The following CSMD1 variants were observed in gnomAD, a reference collection of about 807,000 sequenced individuals.
The protein encoded by CSMD1 is CUB and sushi domain-containing protein 1.
In CSMD1, 213 loss-of-function variants were observed where a neutral mutation model predicts 417.5. That is an observed-to-expected ratio of 0.51 (90% CI 0.46 to 0.57). The LOEUF (loss-of-function observed/expected upper bound fraction) is 0.57, where lower values mean the gene tolerates loss of function less well. CSMD1 is among the 20% of genes least tolerant of loss of function. The probability of loss-of-function intolerance (pLI) is 0.00; values close to 1 mark genes in which losing one functional copy is unlikely to be tolerated. For missense variants in CSMD1, 6,923 were observed against 4,529.7 expected, an observed-to-expected ratio of 1.53 and a Z score of -15.17; for synonymous variants, 2,862 against 1,736.8, an observed-to-expected ratio of 1.65 and a Z score of -16.11.
intron 5 of CSMD1, among the ~76,000 whole-genome samples, chr8:3,843,312 T>A (rs1803254989): frequency 6.6e-6 from 1 of 152,204 alleles, no homozygotes; most frequent in Admixed American, 6.5e-5. Flanking sequence ...TACTAATCTT[T>A]ACCTCATTGA....
intron 1 of CSMD1, among the ~76,000 whole-genome samples, chr8:4,753,288 G>T (rs1461393659): frequency 6.6e-6 from 1 of 151,458 alleles, no homozygotes; most frequent in African/African-American, 2.4e-5. Context: ...AGAGGATGAT[G>T]AGGAATTTTG....
At position 3,336,428 on chromosome 8, in the gene CSMD1, G is replaced by C. The variant is rs140683695; in HGVS notation, c.3631+6866C>G. Among the ~76,000 whole-genome samples the C allele has an allele frequency of 4.1e-3, 624 of 152,252 alleles. 2 individuals carry two copies. The highest frequency in any genetic ancestry group is 5.7e-3 in the Non-Finnish European group (385 of 68,020). ...AGAAAAACATACTTAAATTCATATA[G>C]CACTTGGATGTTTTCAAAAGCCATT... is the stretch of plus-strand genomic sequence containing the variant. On this transcript the variant is annotated intron_variant, in intron 23 of 69. Coordinates refer to ENST00000635120, the MANE Select transcript of CSMD1 (RefSeq NM_033225.6).
intron 2 of CSMD1, among the ~76,000 whole-genome samples, chr8:4,453,705 A>G (rs1799291377): frequency 6.6e-6 from 1 of 151,774 alleles, no homozygotes. Flanking sequence ...TTGGGTATGC[A>G]CAGGCATCAC....
intron 4 of CSMD1, among the ~76,000 whole-genome samples, chr8:4,006,112 G>A (rs888512265): frequency 6.6e-6 from 1 of 152,150 alleles, no homozygotes; most frequent in Non-Finnish European, 1.5e-5. Context: ...CCATGTCCGA[G>A]GAGACTTGAT....
At chr8:4,666,922 A>AT (rs1488095545) in intron 1 of CSMD1, among the ~76,000 whole-genome samples, 20 of 152,130 alleles carry the variant, frequency 1.3e-4, no homozygotes, top group Non-Finnish European at 1.5e-5. Context: ...TTAAAAAAAA[A>AT]GTTCTTTGCC....
intron 17 of CSMD1, among the ~76,000 whole-genome samples, chr8:3,390,044 A>C (rs563825919): frequency 6.6e-6 from 1 of 152,214 alleles, no homozygotes; most frequent in East Asian, 1.9e-4. Flanking sequence ...CTGAAACAAG[A>C]AAATGGTGAG....
intron 5 of CSMD1, among the ~76,000 whole-genome samples, chr8:3,837,236 C>A (rs189306508): frequency 6.6e-6 from 1 of 152,066 alleles, no homozygotes; most frequent in Non-Finnish European, 1.5e-5. Flanking sequence ...ATGTGCATAG[C>A]TAAAGCTTAT....
At chr8:3,770,821 C>G (rs1360733029) in intron 5 of CSMD1, among the ~76,000 whole-genome samples, 1 of 152,100 alleles carries the variant, frequency 6.6e-6, no homozygotes, top group Non-Finnish European at 1.5e-5. Context: ...TATTTAGCAG[C>G]TGACCTAAGA....
rs114467117 is a variant in CSMD1 at position 4,813,665 on chromosome 8, G to C, written c.86-176107C>G. On this transcript the variant is annotated intron_variant, in intron 1 of 69. Coordinates refer to ENST00000635120, the MANE Select transcript of CSMD1 (RefSeq NM_033225.6). ...AATAACATCAATTTACACGTTGCAA[G>C]AGAGAATGACACACTATTAAGAGAT... Among the ~76,000 whole-genome samples, 1,006 of 152,300 alleles carry C rather than the reference G, an allele frequency of 6.6e-3. 12 individuals carry two copies. Among genetic ancestry groups the C allele is most frequent in the African/African-American group, 0.022 (928 of 41,570 alleles).
chr8:3,068,489 T>C (rs928559060), intron 49 of CSMD1, among the ~76,000 whole-genome samples: 1 of 152,160 alleles, frequency 6.6e-6, no homozygotes. Flanking sequence ...CATATGCACA[T>C]GTGTATTAGG....
chr8:4,768,941 C>G (rs765872084), intron 1 of CSMD1, among the ~76,000 whole-genome samples: 3 of 152,108 alleles, frequency 2.0e-5, no homozygotes, highest in Non-Finnish European at 4.4e-5. Context: ...CACCATTTAC[C>G]TAAAAGTCAG....
At position 4,827,277 on chromosome 8, in the gene CSMD1, A is replaced by AT. The variant is rs545299294; in HGVS notation, c.85+167054dup. On this transcript the variant is annotated intron_variant, in intron 1 of 69. Coordinates refer to ENST00000635120, the MANE Select transcript of CSMD1 (RefSeq NM_033225.6). The stretch of plus-strand genomic sequence containing the variant: ...GAATTTAAGGACTAATATTTACTTC[A>AT]TTACTCATGTTTCAAGCAGAAAGAC... 1.6e-4 allele frequency among the ~76,000 whole-genome samples: 25 copies of AT among 152,186 alleles called. No homozygotes were observed. In the South Asian group the frequency reaches 5.2e-3, roughly 32 times the overall value.
intron 26 of CSMD1, among the ~76,000 whole-genome samples, chr8:3,248,468 T>C (rs1800029267): frequency 6.7e-6 from 1 of 149,594 alleles, no homozygotes; most frequent in African/African-American, 2.5e-5. Context: ...ACAGGGAAAA[T>C]CCAGTGACAT....
At chr8:3,972,669 T>C (rs181150531) in intron 5 of CSMD1, among the ~76,000 whole-genome samples, 227 of 152,364 alleles carry the variant, frequency 1.5e-3, no homozygotes, top group African/African-American at 5.2e-3. Context: ...TAACAGATTA[T>C]GACCAGTGTT....
chr8:3,029,764 G>T (rs907702674), intron 50 of CSMD1, among the ~76,000 whole-genome samples: 1 of 151,784 alleles, frequency 6.6e-6, no homozygotes, highest in South Asian at 2.1e-4. Flanking sequence ...CTGTAAAGGG[G>T]GTAAATCACT....
chr8:3,300,541 A>T (rs916598689), intron 25 of CSMD1, among the ~76,000 whole-genome samples: 3 of 152,198 alleles, frequency 2.0e-5, no homozygotes, highest in African/African-American at 7.2e-5. Context: ...AAGACATATG[A>T]GGATGCTCAC....
At chr8:3,227,160 G>A (rs981969837) in intron 27 of CSMD1, among the ~76,000 whole-genome samples, 2 of 152,120 alleles carry the variant, frequency 1.3e-5, no homozygotes, top group Admixed American at 6.5e-5. Flanking sequence ...CAGCACTTTG[G>A]GAGTCTGAGG....
intron 2 of CSMD1, among the ~76,000 whole-genome samples, chr8:4,617,147 G>A (rs1364995799): frequency 6.6e-6 from 1 of 151,994 alleles, no homozygotes; most frequent in African/African-American, 2.4e-5. Context: ...AAGACAAGAT[G>A]TATTTCTATT....
intron 2 of CSMD1, among the ~76,000 whole-genome samples, chr8:4,450,462 C>T (rs1799074603): frequency 6.6e-6 from 1 of 152,098 alleles, no homozygotes; most frequent in Non-Finnish European, 1.5e-5. Context: ...CTCATCTCTA[C>T]TGAAAATACA....
Sources: gnomAD v4.1 joint callset for allele counts (sites outside exome capture counted in the v4.1 genomes callset) on GRCh38, gnomAD v4.1.1 for gene constraint, MANE v1.5 for transcripts, NCBI Gene and HGNC (gene_info 2026-07-23, HGNC 2026-07-21) for gene names.